VEZT: variants seen among roughly 807,000 people sequenced by gnomAD.
The protein encoded by VEZT is vezatin.
Under a neutral mutation model 79.9 loss-of-function variants are expected in VEZT, and 39 were observed. The observed-to-expected ratio is 0.49, with a 90% CI of 0.38 to 0.64. The LOEUF (loss-of-function observed/expected upper bound fraction) is 0.64, where lower values mean the gene tolerates loss of function less well. Among genes scored for constraint, VEZT ranks in the 30% least tolerant of loss-of-function variants. The probability of loss-of-function intolerance (pLI) is 0.00; values close to 1 mark genes in which losing one functional copy is unlikely to be tolerated. For synonymous variants in VEZT, 325 were observed against 327.6 expected (o/e 0.99, Z 0.09); for missense variants, 837 against 893.1 (o/e 0.94, Z 0.80).
chr12:95,286,257 G>T (rs895929503), intron 8 of VEZT: 1 of 304,194 alleles, frequency 3.3e-6, no homozygotes, highest in South Asian at 3.0e-5. Context: ...CTCCCAAAGT[G>T]CTGGGATTAC....
At chr12:95,294,009 C>T in intron 9 of VEZT, 2 of 351,216 alleles carry the variant, frequency 5.7e-6, no homozygotes, top group South Asian at 5.1e-5. Context: ...CCACCTCAGC[C>T]TCCCAAGTAG....
chr12:95,246,580 C>T (rs754027994), intron 1 of VEZT, among the ~76,000 whole-genome samples: 15 of 152,120 alleles, frequency 9.9e-5, no homozygotes, highest in Non-Finnish European at 1.5e-4. Flanking sequence ...AAAAATGTTT[C>T]GGCCACCAGA....
chr12:95,296,087 A>C lies in VEZT; in HGVS notation c.1660A>C (p.Ser554Arg), dbSNP rs770011267. 6.4e-7 allele frequency: 1 copy of C among 1,557,334 alleles called. No homozygotes were observed. Among genetic ancestry groups the C allele is most frequent in the Middle Eastern group, 1.7e-4 (1 of 5,972 alleles). Residue 554 changes from serine to arginine, a missense_variant, in exon 11 of 12, where the codon AGT (serine) becomes CGT (arginine). Ser to Arg is a moderately radical substitution (Grantham distance 110). Coordinates refer to ENST00000436874, the MANE Select transcript of VEZT (RefSeq NM_017599.4). The stretch of plus-strand genomic sequence containing the variant: ...TTATGTAGATGATATAGATATTGAT[A>C]GTGATTTCAGAAAGGATGATTTTTA... Reference protein sequence around the residue: ...EAYVDDIDIDSDFRKDDFYYL... With the variant: ...EAYVDDIDIDRDFRKDDFYYL...
intron 1 of VEZT, among the ~76,000 whole-genome samples, chr12:95,250,133 T>C (rs995959839): frequency 6.6e-6 from 1 of 150,512 alleles, no homozygotes; most frequent in African/African-American, 2.4e-5. Flanking sequence ...GTTACATATG[T>C]ATACATGTGC....
intron 9 of VEZT, chr12:95,290,837 C>CAT (rs932099600): frequency 6.6e-6 from 1 of 151,830 alleles, no homozygotes; most frequent in South Asian, 2.1e-4. Context: ...TACACATATA[C>CAT]ATATATATAC....
At chr12:95,236,024 G>A (rs1018865743) in intron 1 of VEZT, among the ~76,000 whole-genome samples, 1 of 151,946 alleles carries the variant, frequency 6.6e-6, no homozygotes, top group Non-Finnish European at 1.5e-5. Context: ...ACGGGGTGGC[G>A]GCTGGGCAGA....
intron 3 of VEZT, among the ~76,000 whole-genome samples, chr12:95,260,857 G>A (rs1224631114): frequency 1.3e-5 from 2 of 152,026 alleles, no homozygotes; most frequent in Non-Finnish European, 2.9e-5. Context: ...GAGTTGTGTT[G>A]CTCTGTTTTT....
chr12:95,291,478 A>G (rs1398553917), intron 9 of VEZT, among the ~76,000 whole-genome samples: 1 of 152,090 alleles, frequency 6.6e-6, no homozygotes, highest in Non-Finnish European at 1.5e-5. Flanking sequence ...AAGGTCTGCA[A>G]TTTTTTTCCT....
chr12:95,236,133 A>G (rs2060138006), intron 1 of VEZT, among the ~76,000 whole-genome samples: 1 of 152,196 alleles, frequency 6.6e-6, no homozygotes, highest in African/African-American at 2.4e-5. Flanking sequence ...CCTGGGCACC[A>G]TTGAGCACTG....
chr12:95,267,028 T>G (rs2065670874), intron 5 of VEZT, among the ~76,000 whole-genome samples: 1 of 152,216 alleles, frequency 6.6e-6, no homozygotes, highest in Admixed American at 6.5e-5. Context: ...ATAAATGCAT[T>G]TTGAAAACTC....
At chr12:95,258,386 G>T (rs2063807463) in intron 3 of VEZT, 6 of 423,234 alleles carry the variant, frequency 1.4e-5, no homozygotes, top group Admixed American at 1.2e-4. Flanking sequence ...CATGTTTCAT[G>T]TGATGTTTCA....
intron 3 of VEZT, among the ~76,000 whole-genome samples, chr12:95,258,092 G>C (rs2063752369): frequency 1.3e-5 from 2 of 152,212 alleles, no homozygotes; most frequent in African/African-American, 2.4e-5. Context: ...GACCTCTCTA[G>C]CTCAAGTATT....
chr12:95,235,988 G>A (rs1243162105), intron 1 of VEZT, among the ~76,000 whole-genome samples: 26 of 150,958 alleles, frequency 1.7e-4, no homozygotes, highest in Middle Eastern at 3.4e-3. Flanking sequence ...GATGGCAGCC[G>A]GGCAGAGACG....
At chr12:95,268,857 T>G (rs2066055370) in intron 5 of VEZT, among the ~76,000 whole-genome samples, 2 of 152,200 alleles carry the variant, frequency 1.3e-5, no homozygotes, top group South Asian at 4.1e-4. Flanking sequence ...TAAAACTGAT[T>G]TAGTAAAATG....
chr12:95,272,430 T>TGGAG (rs1265800479), intron 6 of VEZT, among the ~76,000 whole-genome samples: 1 of 152,112 alleles, frequency 6.6e-6, no homozygotes, highest in Non-Finnish European at 1.5e-5. Flanking sequence ...TTAGCATGAT[T>TGGAG]GGAGTATAGA....
intron 7 of VEZT, among the ~76,000 whole-genome samples, chr12:95,279,093 G>A (rs983463777): frequency 6.6e-6 from 1 of 152,098 alleles, no homozygotes; most frequent in Non-Finnish European, 1.5e-5. Flanking sequence ...TAAATTAATT[G>A]ATTAATTAAT....
chr12:95,251,079 C>T (rs1343127463), intron 1 of VEZT, among the ~76,000 whole-genome samples: 1 of 152,036 alleles, frequency 6.6e-6, no homozygotes, highest in Non-Finnish European at 1.5e-5. Flanking sequence ...GGCGTGATCT[C>T]GGCTCACTGC....
intron 3 of VEZT, among the ~76,000 whole-genome samples, chr12:95,259,625 A>G (rs1037918620): frequency 6.6e-6 from 1 of 152,226 alleles, no homozygotes; most frequent in Non-Finnish European, 1.5e-5. Context: ...AAATGTGCCA[A>G]AGTTTACATA....
At chr12:95,293,216 C>T (rs1371840151) in intron 9 of VEZT, among the ~76,000 whole-genome samples, 1 of 152,230 alleles carries the variant, frequency 6.6e-6, no homozygotes, top group Non-Finnish European at 1.5e-5. Flanking sequence ...ACTAACTCTA[C>T]AGCTCTTAGC....
Sources: allele counts gnomAD v4.1 joint callset (sites outside exome capture counted in the v4.1 genomes callset), GRCh38; gene constraint gnomAD v4.1.1; transcripts MANE v1.5; gene names NCBI Gene and HGNC (gene_info 2026-07-23, HGNC 2026-07-21).